KCNB2: variants seen among roughly 807,000 people sequenced by gnomAD.
KCNB2 encodes potassium voltage-gated channel subfamily B member 2, also known as delayed rectifier potassium channel protein.
In KCNB2, 15 loss-of-function variants were observed where a neutral mutation model predicts 61.5. The observed-to-expected ratio is 0.24, with a 90% confidence interval of 0.16 to 0.38. KCNB2 has a LOEUF of 0.38. Ranked by LOEUF, KCNB2 falls within the 10% of genes least tolerant of loss-of-function variation. KCNB2 has a pLI of 1.00. For synonymous variants in KCNB2, 457 were observed against 446.0 expected, an observed-to-expected ratio of 1.02 and a Z score of -0.31; for missense variants, 828 against 1,125.2, an observed-to-expected ratio of 0.74 and a Z score of 3.78.
At chr8:72,768,908 C>A (rs1216450443) in intron 2 of KCNB2, among the ~76,000 whole-genome samples, 1 of 152,078 alleles carries the variant, frequency 6.6e-6, no homozygotes, top group Non-Finnish European at 1.5e-5. Flanking sequence ...TGCCTGTAAT[C>A]CCAGCACTTT....
chr8:72,874,790 G>C (rs543790366), intron 2 of KCNB2: 2 of 152,244 alleles, frequency 1.3e-5, no homozygotes, highest in African/African-American at 4.8e-5. Context: ...CCAGGGACTC[G>C]GGCCAAAAGG....
chr8:72,846,968 T>G (rs1810006657), intron 2 of KCNB2, among the ~76,000 whole-genome samples: 1 of 152,212 alleles, frequency 6.6e-6, no homozygotes, highest in African/African-American at 2.4e-5. Context: ...GTATGTTTAT[T>G]GCAGCACTAT....
intron 2 of KCNB2, among the ~76,000 whole-genome samples, chr8:72,687,622 A>G (rs543849048): frequency 7.2e-5 from 11 of 152,332 alleles, no homozygotes; most frequent in Non-Finnish European, 1.5e-4. Context: ...CCCTAAGGCC[A>G]CAAACTCAAT....
At chr8:72,609,950 T>C (rs1239728227) in intron 2 of KCNB2, among the ~76,000 whole-genome samples, 4 of 152,236 alleles carry the variant, frequency 2.6e-5, no homozygotes, top group Admixed American at 2.0e-4. Flanking sequence ...TCCCTGGAGT[T>C]GTACAAACTG....
At chr8:72,892,570 C>T (rs902093192) in intron 2 of KCNB2, among the ~76,000 whole-genome samples, 4 of 152,134 alleles carry the variant, frequency 2.6e-5, no homozygotes, top group Admixed American at 1.3e-4. Flanking sequence ...GAAAAGTTTA[C>T]AGACCATCCA....
intron 2 of KCNB2, among the ~76,000 whole-genome samples, chr8:72,765,531 A>T (rs1808446674): frequency 6.6e-6 from 1 of 152,236 alleles, no homozygotes; most frequent in Non-Finnish European, 1.5e-5. Context: ...TTTCACAAAA[A>T]TATCACAAAT....
intron 1 of KCNB2, among the ~76,000 whole-genome samples, chr8:72,560,563 G>C (rs1806495987): frequency 6.6e-6 from 1 of 152,078 alleles, no homozygotes; most frequent in South Asian, 2.1e-4. Context: ...TACACTGTGA[G>C]TCTGGGAAGA....
At chr8:72,606,751 T>A (rs193154274) in intron 2 of KCNB2, among the ~76,000 whole-genome samples, 1 of 152,280 alleles carries the variant, frequency 6.6e-6, no homozygotes, top group East Asian at 1.9e-4. Flanking sequence ...CAAATGAATA[T>A]CCACCCCTTC....
intron 2 of KCNB2, among the ~76,000 whole-genome samples, chr8:72,776,211 T>G (rs1808647587): frequency 7.8e-6 from 1 of 127,396 alleles, no homozygotes; most frequent in Non-Finnish European, 1.5e-5. Flanking sequence ...TGAGAACACT[T>G]GGACACAGGA....
chr8:72,548,718 C>T (rs1449024959), intron 1 of KCNB2, among the ~76,000 whole-genome samples: 2 of 151,994 alleles, frequency 1.3e-5, no homozygotes, highest in Non-Finnish European at 2.9e-5. Flanking sequence ...ACAATTTCCT[C>T]AAAATTTTCA....
At chr8:72,698,667 C>T (rs1411583160) in intron 2 of KCNB2, among the ~76,000 whole-genome samples, 1 of 152,062 alleles carries the variant, frequency 6.6e-6, no homozygotes, top group East Asian at 1.9e-4. Flanking sequence ...AAAACAGACG[C>T]ATATACCAAC....
At chr8:72,836,632 T>C (rs4376532) in intron 2 of KCNB2, among the ~76,000 whole-genome samples, 135,061 of 152,030 alleles carry the variant, frequency 0.89, 60,636 homozygotes, top group Middle Eastern at 0.98. Context: ...GTCAAGAGGA[T>C]GGGCATAGTG....
Position 72,861,147 on chromosome 8 carries a change from T to A in KCNB2, c.580-74788T>A, listed in dbSNP as rs370685739. On this transcript the variant is annotated intron_variant, in intron 2 of 2. Coordinates refer to ENST00000523207, the MANE Select transcript of KCNB2 (RefSeq NM_004770.3). Reference sequence around the variant, plus strand: ...AAGATAGTAAGATCCATAATGAGAGTGATTTTTCTTGCTTTTCAGCTTAAG... The same window carrying A: ...AAGATAGTAAGATCCATAATGAGAGAGATTTTTCTTGCTTTTCAGCTTAAG... 2.1e-4 allele frequency among the ~76,000 whole-genome samples: 25 copies of A among 121,844 alleles called. No individual in the cohort carries two copies. In the East Asian group the frequency reaches 4.8e-3, roughly 23 times the overall value. 79.9% of individuals were successfully genotyped at this position (121,844 alleles called of 152,430 possible). A position where few individuals can be genotyped will look rare whatever the true frequency, so the allele number is the denominator to read the frequency against.
chr8:72,782,442 G>A (rs1037520268), intron 2 of KCNB2, among the ~76,000 whole-genome samples: 3 of 152,012 alleles, frequency 2.0e-5, no homozygotes, highest in African/African-American at 4.8e-5. Flanking sequence ...CCCATGTCTC[G>A]TTTGCTGGCT....
chr8:72,624,583 A>G (rs1805760863), intron 2 of KCNB2, among the ~76,000 whole-genome samples: 1 of 152,064 alleles, frequency 6.6e-6, no homozygotes, highest in South Asian at 2.1e-4. Flanking sequence ...TGAATAATGG[A>G]CTCAAAATTT....
At chr8:72,751,280 G>A (rs920166557) in intron 2 of KCNB2, 1 of 152,014 alleles carries the variant, frequency 6.6e-6, no homozygotes, top group Non-Finnish European at 1.5e-5. Flanking sequence ...TCCTATGGAG[G>A]AAATGGACCA....
intron 2 of KCNB2, among the ~76,000 whole-genome samples, chr8:72,886,225 G>A (rs968363446): frequency 2.0e-5 from 3 of 152,012 alleles, no homozygotes; most frequent in African/African-American, 7.2e-5. Flanking sequence ...CTTGACCTGG[G>A]CACCCTGCAG....
intron 2 of KCNB2, among the ~76,000 whole-genome samples, chr8:72,689,121 T>C (rs959690769): frequency 1.3e-5 from 2 of 152,198 alleles, no homozygotes; most frequent in Admixed American, 6.5e-5. Context: ...GAAGTAGATA[T>C]AAATGGAGAT....
intron 2 of KCNB2, among the ~76,000 whole-genome samples, chr8:72,756,536 A>G (rs1193595376): frequency 6.6e-6 from 1 of 152,202 alleles, no homozygotes; most frequent in African/African-American, 2.4e-5. Context: ...GCTAATTATA[A>G]CATATTTTGG....
Sources: allele counts gnomAD v4.1 joint callset (sites outside exome capture counted in the v4.1 genomes callset), GRCh38; gene constraint gnomAD v4.1.1; transcripts MANE v1.5; gene names NCBI Gene and HGNC (gene_info 2026-07-23, HGNC 2026-07-21).